Variants in SUSD4 observed in about 807,000 individuals in gnomAD.
The protein encoded by SUSD4 is sushi domain containing 4.
SUSD4 carries 41 observed loss-of-function variants against 50.5 expected under a neutral mutation model. That is an observed-to-expected ratio of 0.81 (90% CI 0.63 to 1.05). SUSD4 has a LOEUF of 1.05. SUSD4 is among the 50% of genes least tolerant of loss of function. The pLI, the probability that SUSD4 is intolerant of heterozygous loss-of-function variation, is 0.00. For missense variants in SUSD4, 580 were observed against 634.7 expected (o/e 0.91, Z 0.93); for synonymous variants, 257 against 257.3 (o/e 1.00, Z 0.01).
At chr1:223,260,909 G>A (rs996829176) in intron 5 of SUSD4, among the ~76,000 whole-genome samples, 1 of 152,140 alleles carries the variant, frequency 6.6e-6, no homozygotes, top group Non-Finnish European at 1.5e-5. Context: ...TGACATGTCA[G>A]TGTGACAGCT....
intron 5 of SUSD4, among the ~76,000 whole-genome samples, chr1:223,256,764 A>G (rs1661723209): frequency 6.6e-6 from 1 of 152,182 alleles, no homozygotes; most frequent in African/African-American, 2.4e-5. Context: ...TGTCTGAGGA[A>G]ATGGACAGAG....
rs1294230793 is a variant in SUSD4, at chr1:223,332,333, T to C, written c.148+30945A>G. On this transcript the variant is annotated intron_variant, in intron 2 of 8. Transcript: ENST00000366878. The surrounding 1 kb of genome is among the most constrained non-coding windows in gnomAD (Gnocchi z 4.0). ...TACAGAAAACATCATAGTGTATGTA[T>C]AAATGGCATATCTATATTCAGACAC... 1.3e-5 allele frequency among the ~76,000 whole-genome samples: 2 copies of C among 152,206 alleles called. No homozygotes were observed. The highest frequency in any genetic ancestry group is 2.9e-5 in the Non-Finnish European group (2 of 68,042).
upstream of SUSD4, among the ~76,000 whole-genome samples, chr1:223,364,721 G>A (rs1273901628): frequency 6.6e-6 from 1 of 151,658 alleles, no homozygotes; most frequent in Non-Finnish European, 1.5e-5. The surrounding 1 kb of genome is among the most constrained non-coding windows in gnomAD (Gnocchi z 4.5). Context: ...CCGCCGCGGC[G>A]GTGGCTGCAG....
chr1:223,253,694 T>C (rs1281287628), intron 5 of SUSD4, among the ~76,000 whole-genome samples: 1 of 152,222 alleles, frequency 6.6e-6, no homozygotes, highest in Non-Finnish European at 1.5e-5. Context: ...CAAGAGGTTT[T>C]ATTACTATGA....
intron 5 of SUSD4, among the ~76,000 whole-genome samples, chr1:223,242,661 A>C (rs534650120): frequency 1.3e-5 from 2 of 152,248 alleles, no homozygotes; most frequent in Admixed American, 1.3e-4. Flanking sequence ...GAATAACCAC[A>C]GGCATGTTAG....
intron 2 of SUSD4, among the ~76,000 whole-genome samples, chr1:223,324,649 C>G (rs1376624954): frequency 1.3e-5 from 2 of 151,170 alleles, no homozygotes; most frequent in African/African-American, 4.9e-5. Context: ...GATCTATTTC[C>G]ATGTGACCCT....
At chr1:223,253,202 G>T (rs957974342) in intron 5 of SUSD4, among the ~76,000 whole-genome samples, 16 of 151,734 alleles carry the variant, frequency 1.1e-4, no homozygotes, top group African/African-American at 3.6e-4. Flanking sequence ...GAAGCCACAA[G>T]AAAAAAAATG....
At chr1:223,318,514 C>T (rs1232992227) in intron 2 of SUSD4, among the ~76,000 whole-genome samples, 2 of 120,542 alleles carry the variant, frequency 1.7e-5, no homozygotes, top group Non-Finnish European at 3.4e-5. Flanking sequence ...TCCTCTCCAG[C>T]ACCTGTTGTT....
intron 3 of SUSD4, among the ~76,000 whole-genome samples, chr1:223,281,865 C>A (rs1402038821): frequency 6.6e-6 from 1 of 152,168 alleles, no homozygotes; most frequent in African/African-American, 2.4e-5. Flanking sequence ...CCAAATCCAG[C>A]AGCACATCAA....
intron 2 of SUSD4, among the ~76,000 whole-genome samples, chr1:223,350,939 C>A (rs796383065): frequency 2.0e-5 from 3 of 152,284 alleles, no homozygotes; most frequent in African/African-American, 7.2e-5. Context: ...GGTTGTGGAT[C>A]CTAGCTTTAA....
chr1:223,289,218 G>A, intron 3 of SUSD4: 1 of 985,324 alleles, frequency 1.0e-6, no homozygotes, highest in Non-Finnish European at 1.2e-6. Flanking sequence ...TCTGTTCCCT[G>A]GGCCATAGAC....
intron 2 of SUSD4, among the ~76,000 whole-genome samples, chr1:223,301,273 C>CCAGCACA (rs1224680145): frequency 9.2e-5 from 14 of 152,202 alleles, no homozygotes; most frequent in African/African-American, 3.1e-4. Context: ...CCCACACCTC[C>CCAGCACA]CAGCACACAG....
Position 223,231,381 on chromosome 1 carries a change from G to GGCT in SUSD4, c.725-1996_725-1994dup, listed in dbSNP as rs1427717636. ...GGCCCAGGTGTGCTCAGTAAATGGT[G>GGCT]GCTGTCAGGTGGCTGCTGTGAGCAT... On this transcript the variant is annotated intron_variant, in intron 5 of 8. Transcript: ENST00000366878. This position sits in a 1 kb window ranked among gnomAD's most constrained non-coding sequence, Gnocchi z 4.2. Among the ~76,000 whole-genome samples, 1 of 152,138 alleles carries GGCT rather than the reference G, an allele frequency of 6.6e-6. No individual in the cohort carries two copies. Among genetic ancestry groups the GGCT allele is most frequent in the Non-Finnish European group, 1.5e-5 (1 of 68,022 alleles).
Position 223,327,633 on chromosome 1 carries a change from C to A in SUSD4, c.149-34982G>T, listed in dbSNP as rs537181829. Among the ~76,000 whole-genome samples the A allele has an allele frequency of 2.0e-3, 299 of 152,288 alleles. 2 individuals are homozygous for A. The highest frequency in any genetic ancestry group is 6.8e-3 in the African/African-American group (281 of 41,550). On this transcript the variant is annotated intron_variant, in intron 2 of 8. Coordinates refer to ENST00000366878, the MANE Select transcript of SUSD4 (RefSeq NM_017982.4). The stretch of plus-strand genomic sequence containing the variant: ...CTACAAACTCCACAGTTCCGATAAC[C>A]CAGCAAGGGGCACAAGGCCACTTCT...
intron 2 of SUSD4, among the ~76,000 whole-genome samples, chr1:223,293,164 T>C (rs17163773): frequency 0.43 from 65,639 of 151,860 alleles, 14,718 homozygotes; most frequent in African/African-American, 0.55. Context: ...AAGTGGAATG[T>C]AGTTATAACC....
chr1:223,231,715 T>C lies in SUSD4; in HGVS notation c.725-2327A>G, dbSNP rs953963906. Reference sequence around the variant, plus strand: ...AGGGATGTGGCCGTAAGGGCTCTTCTCTCCTTGGAGGCCCTCCTCCGTGCT... The same window carrying C: ...AGGGATGTGGCCGTAAGGGCTCTTCCCTCCTTGGAGGCCCTCCTCCGTGCT... On this transcript the variant is annotated intron_variant, in intron 5 of 8. Coordinates refer to ENST00000366878, the MANE Select transcript of SUSD4 (RefSeq NM_017982.4). The surrounding 1 kb of genome is among the most constrained non-coding windows in gnomAD (Gnocchi z 4.2). Among the ~76,000 whole-genome samples the C allele has an allele frequency of 6.6e-6, 1 of 152,174 alleles. No individual in the cohort carries two copies. The highest frequency in any genetic ancestry group is 2.1e-4 in the South Asian group (1 of 4,828).
At chr1:223,250,800 C>T (rs1323174613) in intron 5 of SUSD4, among the ~76,000 whole-genome samples, 3 of 152,072 alleles carry the variant, frequency 2.0e-5, no homozygotes, top group Non-Finnish European at 2.9e-5. Context: ...AAGCAGGGTG[C>T]GGTGTACCGG....
At chr1:223,269,826 A>G (rs1662781027) in intron 3 of SUSD4, among the ~76,000 whole-genome samples, 1 of 152,146 alleles carries the variant, frequency 6.6e-6, no homozygotes, top group South Asian at 2.1e-4. Context: ...AAAATCCACA[A>G]TATGGCCAGA....
At chr1:223,230,937 T>G (rs1389213819) in intron 5 of SUSD4, among the ~76,000 whole-genome samples, 2 of 152,130 alleles carry the variant, frequency 1.3e-5, no homozygotes, top group East Asian at 1.9e-4. Flanking sequence ...CTGTGATTAT[T>G]CAGGGAAAAC....
Sources: allele counts gnomAD v4.1 joint callset (sites outside exome capture counted in the v4.1 genomes callset), GRCh38; gene constraint gnomAD v4.1.1; non-coding constraint Gnocchi (gnomAD v3.1); transcripts MANE v1.5; gene names NCBI Gene and HGNC (gene_info 2026-07-23, HGNC 2026-07-21).